Variants in TCP11L1 observed in about 807,000 individuals in gnomAD.
TCP11L1 encodes t-complex 11 like 1, also known as T-complex protein 11-like protein 1.
Under a neutral mutation model 48.9 loss-of-function variants are expected in TCP11L1, and 28 were observed. That is an observed-to-expected ratio of 0.57 (90% confidence interval 0.42 to 0.78). TCP11L1 has a LOEUF of 0.78. Among genes scored for constraint, TCP11L1 ranks in the 30% least tolerant of loss-of-function variants. The pLI, the probability that TCP11L1 is intolerant of heterozygous loss-of-function variation, is 0.00. For missense variants in TCP11L1, 505 were observed against 613.4 expected (o/e 0.82, Z 1.87); for synonymous variants, 204 against 231.9 (o/e 0.88, Z 1.09).
In TCP11L1 at chr11:33,061,617, G is replaced by GGT. The variant is rs1854469294; in HGVS notation, c.863_864insGT (p.Met289Ter). On this transcript the variant is annotated frameshift_variant, in exon 7 of 10. Transcript: ENST00000334274. LOFTEE classifies it high-confidence loss of function. ...TATAAACACGCCCTGCCAGTGGGGGGAATGGCTGCTGGCTCTGGGGACATG... is the reference window on the plus strand; with the variant it reads ...TATAAACACGCCCTGCCAGTGGGGGGGTAATGGCTGCTGGCTCTGGGGACATG... 6.2e-7 allele frequency: 1 copy of GGT among 1,612,784 alleles called. No individual in the cohort carries two copies. The highest frequency in any genetic ancestry group is 8.5e-7 in the Non-Finnish European group (1 of 1,179,466).
At position 33,043,251 on chromosome 11, in the gene TCP11L1, C is replaced by A. The variant is rs557905547; in HGVS notation, c.-24-499C>A. The stretch of plus-strand genomic sequence containing the variant: ...ACTCCATCTGGAAAAAAAAAAAATT[C>A]TAGTTTCTGTCATCTCTGGGTATCT... On this transcript the variant is annotated intron_variant, in intron 1 of 9. Transcript: ENST00000334274. Among the ~76,000 whole-genome samples the A allele has an allele frequency of 1.1e-3, 169 of 152,120 alleles. 1 individual carries two copies. The highest frequency in any genetic ancestry group is 3.3e-3 in the African/African-American group (138 of 41,522).
At chr11:33,063,924 G>A (rs745940714) in intron 7 of TCP11L1, among the ~76,000 whole-genome samples, 1 of 152,104 alleles carries the variant, frequency 6.6e-6, no homozygotes, top group Non-Finnish European at 1.5e-5. Context: ...TTCTCTTCTG[G>A]AGGGAAGTTC....
chr11:33,072,339 GT>G (rs1854816225), intron 9 of TCP11L1, 134 bp from the exon 10 acceptor site: 1 of 830,828 alleles, frequency 1.2e-6, no homozygotes, highest in Non-Finnish European at 2.0e-6. Context: ...GCAAGGTGCT[GT>G]GGGTATCTGG....
intron 9 of TCP11L1, among the ~76,000 whole-genome samples, chr11:33,069,416 CTT>C (rs1340692097): frequency 1.3e-5 from 2 of 151,174 alleles, no homozygotes; most frequent in South Asian, 2.1e-4. Flanking sequence ...TTATAATAAA[CTT>C]GAAGTATTAA....
At chr11:33,054,143 C>A (rs1051020465) in intron 2 of TCP11L1, among the ~76,000 whole-genome samples, 4 of 151,954 alleles carry the variant, frequency 2.6e-5, no homozygotes, top group African/African-American at 9.7e-5. Flanking sequence ...TGGGGAGATT[C>A]ATTTGTGGCA....
intron 8 of TCP11L1, among the ~76,000 whole-genome samples, chr11:33,068,217 C>G (rs1299843577): frequency 6.6e-6 from 1 of 152,212 alleles, no homozygotes; most frequent in Non-Finnish European, 1.5e-5. Flanking sequence ...GCCACTGAGC[C>G]CGGCCTCTTT....
intron 2 of TCP11L1, among the ~76,000 whole-genome samples, chr11:33,049,136 G>A (rs546164200): frequency 3.9e-5 from 6 of 151,994 alleles, no homozygotes; most frequent in South Asian, 4.2e-4. Flanking sequence ...TGTAGTCCCA[G>A]CTACTTGGGA....
intron 2 of TCP11L1, among the ~76,000 whole-genome samples, chr11:33,053,870 C>T (rs1854235058): frequency 6.6e-6 from 1 of 152,022 alleles, no homozygotes; most frequent in South Asian, 2.1e-4. Flanking sequence ...TGCTCTGTTA[C>T]CCAGGCTTGA....
At chr11:33,049,090 A>G (rs1167903818) in intron 2 of TCP11L1, among the ~76,000 whole-genome samples, 1 of 152,054 alleles carries the variant, frequency 6.6e-6, no homozygotes, top group Non-Finnish European at 1.5e-5. Context: ...TCTCTACTAA[A>G]AATACATAAA....
intron 7 of TCP11L1, among the ~76,000 whole-genome samples, chr11:33,063,598 C>T (rs1421682864): frequency 6.6e-6 from 1 of 152,128 alleles, no homozygotes; most frequent in Non-Finnish European, 1.5e-5. Flanking sequence ...ATGTTTTTCA[C>T]AATACATACT....
At chr11:33,044,572 A>C (rs1260769225) in intron 2 of TCP11L1, among the ~76,000 whole-genome samples, 1 of 152,240 alleles carries the variant, frequency 6.6e-6, no homozygotes, top group Non-Finnish European at 1.5e-5. Flanking sequence ...TAGTCTAAGA[A>C]TGTCGGTATT....
intron 6 of TCP11L1, among the ~76,000 whole-genome samples, chr11:33,060,355 G>A (rs968575648): frequency 1.3e-5 from 2 of 152,138 alleles, no homozygotes; most frequent in African/African-American, 2.4e-5. Flanking sequence ...AAAGCTGGGG[G>A]GTTACGGAGA....
At chr11:33,049,514 A>G (rs1854095287) in intron 2 of TCP11L1, among the ~76,000 whole-genome samples, 3 of 152,094 alleles carry the variant, frequency 2.0e-5, no homozygotes, top group Admixed American at 1.3e-4. Flanking sequence ...TATCTCTACC[A>G]TCTTGGAGAG....
At chr11:33,070,822 T>C (rs1215177371) in intron 9 of TCP11L1, among the ~76,000 whole-genome samples, 1 of 150,758 alleles carries the variant, frequency 6.6e-6, no homozygotes, top group Non-Finnish European at 1.5e-5. Flanking sequence ...GCCAACATGG[T>C]GAAACCCCGT....
At chr11:33,063,621 A>G (rs1292435784) in intron 7 of TCP11L1, among the ~76,000 whole-genome samples, 4 of 152,090 alleles carry the variant, frequency 2.6e-5, no homozygotes, top group African/African-American at 9.7e-5. Flanking sequence ...TAACTGCAAG[A>G]CCTCTTTAAG....
chr11:33,056,961 GC>G (rs1854326950), intron 3 of TCP11L1, among the ~76,000 whole-genome samples, 153 bp from the exon 4 acceptor site: 1 of 152,158 alleles, frequency 6.6e-6, no homozygotes, highest in Admixed American at 6.6e-5. Context: ...AATAAAGTAT[GC>G]CCTCAGTTGA....
intron 6 of TCP11L1, among the ~76,000 whole-genome samples, chr11:33,061,068 G>A (rs1854451829): frequency 6.6e-6 from 1 of 152,168 alleles, no homozygotes; most frequent in African/African-American, 2.4e-5. Context: ...TGATTCTCCT[G>A]CCTCAGCCTC....
At chr11:33,055,756 T>C (rs144526585) in intron 3 of TCP11L1, among the ~76,000 whole-genome samples, 2 of 152,316 alleles carry the variant, frequency 1.3e-5, no homozygotes, top group African/African-American at 4.8e-5. Flanking sequence ...GATGGTACTT[T>C]TTTGCATTTA....
Position 33,058,989 on chromosome 11 carries a change from A to G in TCP11L1, c.669A>G (p.Lys223=). 1.2e-6 allele frequency: 2 copies of G among 1,614,178 alleles called. No individual in the cohort carries two copies. Among genetic ancestry groups the G allele is most frequent in the Non-Finnish European group, 1.7e-6 (2 of 1,180,018 alleles). The change falls in exon 6 of 10, where the codon AAA becomes AAG. Residue 223 remains lysine (K), a synonymous_variant. Transcript: ENST00000334274. ...TTTTTTCTGTGTTGGACCTAATGAA[A>G]GTGGACATGGCCAACTTTGCTATCA... The part of the protein sequence containing the change: ...REIFSVLDLM[K]VDMANFAISS...
Sources: gnomAD v4.1 joint callset for allele counts (sites outside exome capture counted in the v4.1 genomes callset) on GRCh38, gnomAD v4.1.1 for gene constraint, MANE v1.5 for transcripts, NCBI Gene and HGNC (gene_info 2026-07-23, HGNC 2026-07-21) for gene names.